The following SOBP variants were observed in gnomAD, a reference collection of about 807,000 sequenced individuals.
The protein encoded by SOBP is sine oculis binding protein homolog, also known as sine oculis-binding protein homolog.
In SOBP, 4 loss-of-function variants were observed where a neutral mutation model predicts 53.6. The ratio of observed to expected loss-of-function variants is 0.07; its 90% CI spans 0.04 to 0.17. SOBP has a LOEUF of 0.17. Ranked by LOEUF, SOBP falls within the 10% of genes least tolerant of loss-of-function variation. The pLI is 1.00. For synonymous variants in SOBP, 584 were observed against 522.6 expected (o/e 1.12, Z -1.60); for missense variants, 1,088 against 1,204.7 (o/e 0.90, Z 1.43).
intron 4 of SOBP, among the ~76,000 whole-genome samples, chr6:107,572,636 A>G (rs1427859354): frequency 6.6e-6 from 1 of 152,184 alleles, no homozygotes; most frequent in African/African-American, 2.4e-5. Context: ...ATGGTGAGCC[A>G]AATATCAGAT....
At position 107,634,839 on chromosome 6, in the gene SOBP, C is replaced by T; in HGVS notation, c.1995C>T (p.His665=). 7.1e-7 allele frequency: 1 copy of T among 1,404,826 alleles called. No individual in the cohort carries two copies. The highest frequency in any genetic ancestry group is 2.3e-4 in the Middle Eastern group (1 of 4,304). 87.0% of individuals were successfully genotyped at this position (1,404,826 alleles called of 1,614,324 possible). Residue 665 remains histidine (H), a synonymous_variant, in exon 6 of 7, where the codon CAC becomes CAT. Transcript: ENST00000317357. This position sits in a 1 kb window ranked among gnomAD's most constrained non-coding sequence, Gnocchi z 4.5. ...DLTVGHRARL[H]NVIHRALHAH... is the part of the protein sequence containing the mutation. ...CCGTGGGCCACCGAGCCCGGCTGCA[C>T]AACGTGATCCACCGCGCGCTGCACG...
intron 1 of SOBP, among the ~76,000 whole-genome samples, chr6:107,495,303 A>G (rs1481481515): frequency 6.6e-6 from 1 of 152,200 alleles, no homozygotes; most frequent in Non-Finnish European, 1.5e-5. Context: ...AAAGGCTCCA[A>G]GCTAAACCCA....
chr6:107,520,379 G>A (rs1583167734), intron 3 of SOBP, among the ~76,000 whole-genome samples: 1 of 152,146 alleles, frequency 6.6e-6, no homozygotes, highest in Non-Finnish European at 1.5e-5. Flanking sequence ...AGGAAATGAG[G>A]TCTGGAGAGG....
At chr6:107,561,920 T>A (rs1170806405) in intron 4 of SOBP, among the ~76,000 whole-genome samples, 2 of 152,328 alleles carry the variant, frequency 1.3e-5, no homozygotes, top group East Asian at 3.9e-4. Flanking sequence ...TTTATTTCTT[T>A]CTGTGTCTGA....
In SOBP at chr6:107,490,212, C is replaced by G. The variant is rs1248780033; in HGVS notation, c.-405C>G. ...GCGCCCATGCGGACGGACCGAGCGA[C>G]GGAAGATGGCTGACGACTCCACGGG... On this transcript the variant is annotated 5_prime_UTR_variant, in exon 1 of 7. Coordinates refer to ENST00000317357, the MANE Select transcript of SOBP (RefSeq NM_018013.4). 3 of 149,010 alleles carry G rather than the reference C, an allele frequency of 2.0e-5. No individual in the cohort carries two copies. The Admixed American group carries it at 2.0e-4, about 10-fold the overall frequency. The allele number at this position is 149,010 out of a possible 1,614,324, so 9.2% of individuals were successfully genotyped here.
chr6:107,517,211 A>G (rs955782073), intron 3 of SOBP, among the ~76,000 whole-genome samples: 1 of 152,254 alleles, frequency 6.6e-6, no homozygotes, highest in Non-Finnish European at 1.5e-5. Flanking sequence ...CTAAATTGAT[A>G]CTTGACTCAT....
chr6:107,596,326 A>G (rs896598349), intron 5 of SOBP, among the ~76,000 whole-genome samples: 1 of 151,954 alleles, frequency 6.6e-6, no homozygotes. Context: ...ACCAATGGTG[A>G]TATAGATTCA....
At chr6:107,591,477 A>C (rs921228328) in intron 5 of SOBP, among the ~76,000 whole-genome samples, 2 of 152,210 alleles carry the variant, frequency 1.3e-5, no homozygotes, top group African/African-American at 2.4e-5. Context: ...CCTTTGATCC[A>C]GGCCTTTCAT....
intron 4 of SOBP, among the ~76,000 whole-genome samples, chr6:107,542,766 GT>G (rs113045000): frequency 4.1e-5 from 6 of 146,796 alleles, no homozygotes; most frequent in Admixed American, 1.4e-4. Flanking sequence ...TGTGTGTTTT[GT>G]TTTTTTTTTG....
At position 107,519,407 on chromosome 6, in the gene SOBP, C is replaced by T. The variant is rs570355668; in HGVS notation, c.421+12980C>T. Among the ~76,000 whole-genome samples the T allele has an allele frequency of 6.6e-5, 10 of 152,216 alleles. 1 individual carries two copies. In the South Asian group the frequency reaches 2.1e-3, roughly 32 times the overall value. On this transcript the variant is annotated intron_variant, in intron 3 of 6. Coordinates refer to ENST00000317357, the MANE Select transcript of SOBP (RefSeq NM_018013.4). Reference sequence around the variant, plus strand: ...AGTGATGACAGGTCTGTGTATGGGACACCTCTTGTGCTCCTCTTCAAGTCC... The same window carrying T: ...AGTGATGACAGGTCTGTGTATGGGATACCTCTTGTGCTCCTCTTCAAGTCC...
intron 6 of SOBP, among the ~76,000 whole-genome samples, chr6:107,648,597 A>G (rs1040578035): frequency 6.6e-6 from 1 of 151,306 alleles, no homozygotes; most frequent in African/African-American, 2.4e-5. Context: ...TAGGCCATGT[A>G]TGTCTCTAAG....
At chr6:107,630,742 C>G (rs1329518858) in intron 5 of SOBP, among the ~76,000 whole-genome samples, 18 of 106,334 alleles carry the variant, frequency 1.7e-4, no homozygotes, top group Non-Finnish European at 1.6e-4. Context: ...CACACACACA[C>G]ACACTCTGTC....
At chr6:107,543,325 C>A (rs1338215845) in intron 4 of SOBP, among the ~76,000 whole-genome samples, 1 of 152,172 alleles carries the variant, frequency 6.6e-6, no homozygotes, top group Non-Finnish European at 1.5e-5. Flanking sequence ...TAGCAGCAAT[C>A]AGGGCTACAC....
At chr6:107,499,138 G>A (rs1432370497) in intron 1 of SOBP, among the ~76,000 whole-genome samples, 2 of 152,112 alleles carry the variant, frequency 1.3e-5, no homozygotes, top group Admixed American at 1.3e-4. Context: ...TGATTGGTCC[G>A]GGAGGTAGCT....
chr6:107,594,826 A>G (rs1228741127), intron 5 of SOBP, among the ~76,000 whole-genome samples: 1 of 152,246 alleles, frequency 6.6e-6, no homozygotes, highest in Non-Finnish European at 1.5e-5. Context: ...GGGAAATTAA[A>G]ATGCAGAGAT....
At chr6:107,552,374 T>G (rs1784483731) in intron 4 of SOBP, among the ~76,000 whole-genome samples, 1 of 152,156 alleles carries the variant, frequency 6.6e-6, no homozygotes, top group African/African-American at 2.4e-5. Context: ...TGCTCAAATT[T>G]TAAGCTGTGC....
intron 5 of SOBP, among the ~76,000 whole-genome samples, chr6:107,616,351 G>A (rs192821741): frequency 4.6e-5 from 7 of 152,290 alleles, no homozygotes; most frequent in Admixed American, 3.9e-4. Context: ...TCCCTTCTGA[G>A]ACTAAGAACA....
Position 107,552,146 on chromosome 6 carries a change from C to T in SOBP, c.573+18536C>T, listed in dbSNP as rs537801726. Among the ~76,000 whole-genome samples, 8 of 152,316 alleles carry T rather than the reference C, an allele frequency of 5.3e-5. No individual in the cohort carries two copies. In the East Asian group the frequency reaches 1.5e-3, roughly 29 times the overall value. On this transcript the variant is annotated intron_variant, in intron 4 of 6. Coordinates refer to ENST00000317357, the MANE Select transcript of SOBP (RefSeq NM_018013.4). ...ATGGTAGGTTGGGGGCCTTCAATTT[C>T]TCACCGTTGGATGGATTCTCTTTGA...
chr6:107,613,860 A>C (rs573875416), intron 5 of SOBP, among the ~76,000 whole-genome samples: 1 of 152,226 alleles, frequency 6.6e-6, no homozygotes, highest in East Asian at 1.9e-4. Context: ...GGACTCCTGG[A>C]TATATCATAT....
Sources: gnomAD v4.1 joint callset for allele counts (sites outside exome capture counted in the v4.1 genomes callset) on GRCh38, gnomAD v4.1.1 for gene constraint, Gnocchi (gnomAD v3.1) non-coding constraint, MANE v1.5 for transcripts, NCBI Gene and HGNC (gene_info 2026-07-23, HGNC 2026-07-21) for gene names.